TMEM132C: variants seen among roughly 807,000 people sequenced by gnomAD.
TMEM132C encodes the protein protein phosphatase 1, regulatory subunit 152.
In TMEM132C, 29 loss-of-function variants were observed where a neutral mutation model predicts 61.4. That is an observed-to-expected ratio of 0.47 (90% CI 0.35 to 0.64). The LOEUF is 0.64. Ranked by LOEUF, TMEM132C falls within the 30% of genes least tolerant of loss-of-function variation. The pLI is 0.00. For synonymous variants in TMEM132C, 656 were observed against 633.1 expected (o/e 1.04, Z -0.54); for missense variants, 1,408 against 1,476.9 (o/e 0.95, Z 0.76).
At chr12:128,458,624 A>G (rs1437700188) in intron 2 of TMEM132C, among the ~76,000 whole-genome samples, 1 of 152,132 alleles carries the variant, frequency 6.6e-6, no homozygotes, top group African/African-American at 2.4e-5. Context: ...CCCTTCACAT[A>G]AAAGCCGTGG....
intron 3 of TMEM132C, among the ~76,000 whole-genome samples, chr12:128,582,131 G>A (rs996490862): frequency 1.2e-4 from 19 of 152,092 alleles, no homozygotes; most frequent in Admixed American, 1.2e-3. Flanking sequence ...TAACAGACAA[G>A]GAATAGTATC....
In TMEM132C at chr12:128,614,632, T is replaced by C. The variant is rs117577173; in HGVS notation, c.1122-1520T>C. Among the ~76,000 whole-genome samples, 689 of 152,366 alleles carry C rather than the reference T, an allele frequency of 4.5e-3. 2 individuals carry two copies. The highest frequency in any genetic ancestry group is 7.2e-3 in the Non-Finnish European group (493 of 68,036). The stretch of plus-strand genomic sequence containing the variant: ...CAAGCCATCTTTCCTTTATTGGCTT[T>C]AATTTTATCATCTAAAAAATGAAAA... On this transcript the variant is annotated intron_variant, in intron 3 of 8. Coordinates refer to ENST00000435159, the MANE Select transcript of TMEM132C (RefSeq NM_001136103.3).
At chr12:128,333,104 G>A (rs187562985) in intron 1 of TMEM132C, among the ~76,000 whole-genome samples, 3 of 151,832 alleles carry the variant, frequency 2.0e-5, no homozygotes, top group South Asian at 2.1e-4. Context: ...TTGTATGAAC[G>A]CTGTGTGTTT....
intron 4 of TMEM132C, among the ~76,000 whole-genome samples, chr12:128,631,588 A>C (rs1954065576): frequency 6.6e-6 from 1 of 152,236 alleles, no homozygotes; most frequent in Non-Finnish European, 1.5e-5. Context: ...GTGTTTCATC[A>C]GCACAATTTT....
chr12:128,639,117 A>ATGATGATGATGGTGTTAATGACAATGG (rs1954129735), intron 4 of TMEM132C, among the ~76,000 whole-genome samples: 3 of 142,700 alleles, frequency 2.1e-5, no homozygotes, highest in African/African-American at 7.9e-5. Context: ...GACAGTGGTG[A>ATGATGATGATGGTGTTAATGACAATGG]TGATGATGAT....
At chr12:128,432,833 G>T (rs140640949) in intron 2 of TMEM132C, among the ~76,000 whole-genome samples, 1 of 152,198 alleles carries the variant, frequency 6.6e-6, no homozygotes, top group African/African-American at 2.4e-5. Context: ...CTATCAAACA[G>T]CATCGCGTAC....
chr12:128,697,449 C>A, intron 8 of TMEM132C, 34 bp downstream of exon 8: 1 of 1,497,702 alleles, frequency 6.7e-7, no homozygotes, highest in Non-Finnish European at 9.0e-7. Flanking sequence ...TCAGAGGGAG[C>A]AGGGTCAGCC....
chr12:128,523,955 G>A (rs1452867647), intron 2 of TMEM132C, among the ~76,000 whole-genome samples: 2 of 151,216 alleles, frequency 1.3e-5, no homozygotes, highest in African/African-American at 4.9e-5. Context: ...CAAGGCTGCA[G>A]TGAGCCAGGA....
chr12:128,588,805 C>T (rs1023586436), intron 3 of TMEM132C, among the ~76,000 whole-genome samples: 3 of 152,150 alleles, frequency 2.0e-5, no homozygotes, highest in South Asian at 2.1e-4. Context: ...CCCTGGGCTT[C>T]GGCCTGCAGA....
At chr12:128,479,680 G>A (rs73422525) in intron 2 of TMEM132C, among the ~76,000 whole-genome samples, 2,699 of 152,244 alleles carry the variant, frequency 0.018, 69 homozygotes, top group African/African-American at 0.056. Flanking sequence ...TTACTATCTG[G>A]CGCTTTAGAG....
chr12:128,371,183 G>A (rs1593028614), intron 1 of TMEM132C, among the ~76,000 whole-genome samples: 2 of 152,284 alleles, frequency 1.3e-5, no homozygotes, highest in East Asian at 3.9e-4. Context: ...GTGAACAGAA[G>A]GTGCATTGGT....
intron 1 of TMEM132C, among the ~76,000 whole-genome samples, chr12:128,305,720 G>A (rs1465098184): frequency 1.3e-5 from 2 of 152,002 alleles, no homozygotes; most frequent in South Asian, 2.1e-4. Context: ...TTTGCAAATC[G>A]CCTATTTTAA....
At chr12:128,564,920 G>A (rs184415442) in intron 3 of TMEM132C, among the ~76,000 whole-genome samples, 53 of 152,246 alleles carry the variant, frequency 3.5e-4, no homozygotes, top group East Asian at 1.5e-3. Flanking sequence ...CCTCTTCCAC[G>A]GGCTAGACTG....
chr12:128,705,977 G>A lies in TMEM132C; in HGVS notation c.3009G>A (p.Gly1003=). 6.4e-7 allele frequency: 1 copy of A among 1,551,610 alleles called. No homozygotes were observed. The highest frequency in any genetic ancestry group is 1.2e-5 in the South Asian group (1 of 84,064). The change falls in exon 9 of 9, where the codon GGG becomes GGA. Residue 1003 remains glycine, a synonymous_variant. Transcript: ENST00000435159. ...EHTTIIDRGP[G]ACEESNHLLL... is the part of the protein sequence containing the mutation. ...CCACCATCATAGACCGCGGACCGGG[G>A]GCCTGCGAGGAGAGCAACCATCTCC...
intron 1 of TMEM132C, among the ~76,000 whole-genome samples, chr12:128,348,396 C>G (rs1044051069): frequency 6.6e-6 from 1 of 152,174 alleles, no homozygotes; most frequent in African/African-American, 2.4e-5. Flanking sequence ...TTATTTCTTC[C>G]TTTCTAATCT....
chr12:128,422,348 C>T (rs187383042), intron 2 of TMEM132C, among the ~76,000 whole-genome samples: 9 of 152,238 alleles, frequency 5.9e-5, no homozygotes, highest in East Asian at 5.8e-4. Context: ...AGGTTATTAA[C>T]GTGAAGAACT....
rs1316607548 is a variant in TMEM132C, at chr12:128,706,179, G to A, written c.3211G>A (p.Val1071Met). ...TIPPDDSCPTVNSIVSSNDED... is the reference protein window; with the variant it reads ...TIPPDDSCPTMNSIVSSNDED... Reference sequence around the variant, plus strand: ...CCCCCCGGACGACAGCTGCCCCACGGTGAACTCCATCGTCAGCAGCAATGA... The same window carrying A: ...CCCCCCGGACGACAGCTGCCCCACGATGAACTCCATCGTCAGCAGCAATGA... Residue 1071 changes from valine (V) to methionine (M), a missense_variant, in exon 9 of 9, where the codon GTG becomes ATG. Coordinates refer to ENST00000435159, the MANE Select transcript of TMEM132C (RefSeq NM_001136103.3). 1.3e-6 allele frequency: 2 copies of A among 1,550,914 alleles called. No homozygotes were observed. The highest frequency in any genetic ancestry group is 3.9e-5 in the Admixed American group (2 of 50,922).
intron 1 of TMEM132C, among the ~76,000 whole-genome samples, chr12:128,283,549 T>C (rs199835510): frequency 1.3e-5 from 2 of 152,066 alleles, no homozygotes; most frequent in Non-Finnish European, 2.9e-5. Context: ...TCTCTCTCCC[T>C]CTGTCTGTCT....
Position 128,699,707 on chromosome 12 carries a change from T to G in TMEM132C, c.2121+2292T>G, listed in dbSNP as rs1018200374. On this transcript the variant is annotated intron_variant, in intron 8 of 8. Transcript: ENST00000435159. ...AGATCACTCTATCACCTGTGCCATGTAACAATATAACATAATCATGACAGC... is the reference window on the plus strand; with the variant it reads ...AGATCACTCTATCACCTGTGCCATGGAACAATATAACATAATCATGACAGC... Among the ~76,000 whole-genome samples, 3 of 152,342 alleles carry G rather than the reference T, an allele frequency of 2.0e-5. No individual in the cohort carries two copies. In the South Asian group the frequency reaches 6.2e-4, roughly 32 times the overall value.
Sources: gnomAD v4.1 joint callset for allele counts (sites outside exome capture counted in the v4.1 genomes callset) on GRCh38, gnomAD v4.1.1 for gene constraint, MANE v1.5 for transcripts, NCBI Gene and HGNC (gene_info 2026-07-23, HGNC 2026-07-21) for gene names.